C12orf42: variants seen among roughly 807,000 people sequenced by gnomAD.
C12orf42 encodes uncharacterized protein C12orf42.
C12orf42 carries 25 observed loss-of-function variants against 21.6 expected under a neutral mutation model. The ratio of observed to expected loss-of-function variants is 1.16; its 90% CI spans 0.84 to 1.62. The LOEUF is 1.62. Ranked by LOEUF, C12orf42 falls within the 40% of genes most tolerant of loss-of-function variation. The probability of loss-of-function intolerance (pLI) is 0.00; values close to 1 mark genes in which losing one functional copy is unlikely to be tolerated. For synonymous variants in C12orf42, 174 were observed against 175.0 expected, an observed-to-expected ratio of 0.99 and a Z score of 0.05; for missense variants, 483 against 459.3, an observed-to-expected ratio of 1.05 and a Z score of -0.47.
the C12orf42 span, among the ~76,000 whole-genome samples, chr12:103,224,444 G>A: frequency 5.8e-4 from 88 of 152,300 alleles, no homozygotes; most frequent in African/African-American, 2.0e-3. Flanking sequence ...AATAAATTAA[G>A]CGTGATCAGG....
chr12:103,450,303 G>A (rs139067700), intron 2 of C12orf42, among the ~76,000 whole-genome samples: 75 of 152,104 alleles, frequency 4.9e-4, no homozygotes, highest in African/African-American at 1.5e-3. Context: ...TTTCTGCACT[G>A]TCCTTTTAAT....
At chr12:103,324,548 G>A (rs907440802) in intron 4 of C12orf42, among the ~76,000 whole-genome samples, 1 of 152,006 alleles carries the variant, frequency 6.6e-6, no homozygotes, top group East Asian at 1.9e-4. Context: ...AATACTACTG[G>A]GCCATATGGA....
At chr12:103,090,072 A>T in the C12orf42 span, among the ~76,000 whole-genome samples, 1 of 152,318 alleles carries the variant, frequency 6.6e-6, no homozygotes, top group East Asian at 1.9e-4. Flanking sequence ...ATCAGTGTAG[A>T]TGAACTATTC....
At chr12:103,213,648 C>A in the C12orf42 span, among the ~76,000 whole-genome samples, 1 of 152,172 alleles carries the variant, frequency 6.6e-6, no homozygotes, top group Non-Finnish European at 1.5e-5. Flanking sequence ...CTTTAGTTTT[C>A]TCGAGGAGAT....
the C12orf42 span, among the ~76,000 whole-genome samples, chr12:103,517,554 T>A: frequency 6.6e-6 from 1 of 152,234 alleles, no homozygotes; most frequent in East Asian, 1.9e-4. Flanking sequence ...TAGACCTTTT[T>A]AGGTAAGTGG....
chr12:103,546,285 T>C, the C12orf42 span, among the ~76,000 whole-genome samples: 5 of 152,306 alleles, frequency 3.3e-5, no homozygotes, highest in South Asian at 1.0e-3. Context: ...AGGTTACAGA[T>C]TTGTCCTTAT....
At chr12:103,057,028 G>A in the C12orf42 span, among the ~76,000 whole-genome samples, 1 of 151,934 alleles carries the variant, frequency 6.6e-6, no homozygotes, top group Admixed American at 6.6e-5. Flanking sequence ...TTCACTTTGA[G>A]GTCCTCATGG....
At chr12:103,279,337 C>T (rs1021428223) in intron 4 of C12orf42, among the ~76,000 whole-genome samples, 3 of 151,958 alleles carry the variant, frequency 2.0e-5, no homozygotes, top group South Asian at 4.2e-4. Context: ...GTATTCAAAC[C>T]CATCAAAATG....
chr12:103,392,144 GTT>G (rs1425574220), intron 3 of C12orf42, among the ~76,000 whole-genome samples: 1 of 152,112 alleles, frequency 6.6e-6, no homozygotes, highest in Non-Finnish European at 1.5e-5. Flanking sequence ...ACATGTAAGA[GTT>G]TATTTCTTGG....
chr12:103,367,870 G>A (rs1001228923), intron 4 of C12orf42: 1 of 294,182 alleles, frequency 3.4e-6, no homozygotes, highest in Non-Finnish European at 6.5e-6. Context: ...CCAAGAGTTT[G>A]AAGCCATTAT....
intron 2 of C12orf42, among the ~76,000 whole-genome samples, chr12:103,431,026 T>C (rs1053749586): frequency 2.0e-5 from 3 of 152,080 alleles, no homozygotes; most frequent in Admixed American, 6.5e-5. Flanking sequence ...GACGAGTTGA[T>C]GGGTGCAGCA....
chr12:103,444,485 T>A (rs969922660), intron 2 of C12orf42, among the ~76,000 whole-genome samples: 2 of 152,072 alleles, frequency 1.3e-5, no homozygotes, highest in Admixed American at 1.3e-4. Flanking sequence ...CTAGTATGAG[T>A]TAACTTGGTA....
At chr12:103,435,501 G>GA (rs892213056) in intron 2 of C12orf42, among the ~76,000 whole-genome samples, 32 of 152,188 alleles carry the variant, frequency 2.1e-4, no homozygotes, top group African/African-American at 7.2e-4. Flanking sequence ...TGAAAACTTT[G>GA]AAAAAAATTT....
chr12:103,116,146 G>A, the C12orf42 span, among the ~76,000 whole-genome samples: 2 of 152,188 alleles, frequency 1.3e-5, no homozygotes, highest in South Asian at 4.1e-4. Flanking sequence ...CAGATTACCT[G>A]AGGTCAGGAG....
At chr12:103,087,326 A>G in the C12orf42 span, among the ~76,000 whole-genome samples, 4 of 152,190 alleles carry the variant, frequency 2.6e-5, no homozygotes, top group Non-Finnish European at 4.4e-5. Context: ...CAGAGATGCT[A>G]TAATTTGCTA....
chr12:103,432,048 C>T (rs572950847), intron 2 of C12orf42, among the ~76,000 whole-genome samples: 1 of 152,302 alleles, frequency 6.6e-6, no homozygotes, highest in South Asian at 2.1e-4. Context: ...CGTTGGCATG[C>T]TTCTGGGGTT....
chr12:103,359,306 T>A (rs2043872264), intron 4 of C12orf42, among the ~76,000 whole-genome samples: 1 of 152,118 alleles, frequency 6.6e-6, no homozygotes, highest in East Asian at 1.9e-4. Context: ...CCCAGCTATA[T>A]GTGTTTCATC....
At chr12:103,395,997 A>C (rs1015422539) in intron 3 of C12orf42, among the ~76,000 whole-genome samples, 2 of 148,644 alleles carry the variant, frequency 1.3e-5, no homozygotes, top group African/African-American at 4.9e-5. Context: ...CATAGTTATA[A>C]CATAACATAT....
chr12:103,212,365 A>C, the C12orf42 span, among the ~76,000 whole-genome samples: 1 of 152,138 alleles, frequency 6.6e-6, no homozygotes, highest in Non-Finnish European at 1.5e-5. Flanking sequence ...CTTTTCATTT[A>C]GATGTTTTCC....
Sources: gnomAD v4.1 joint callset for allele counts (sites outside exome capture counted in the v4.1 genomes callset) on GRCh38, gnomAD v4.1.1 for gene constraint, MANE v1.5 for transcripts, NCBI Gene and HGNC (gene_info 2026-07-23, HGNC 2026-07-21) for gene names.